Variants in ANGPT2 observed in about 807,000 individuals in gnomAD.
The protein encoded by ANGPT2 is angiopoietin-2.
In ANGPT2, 28 loss-of-function variants were observed where a neutral mutation model predicts 62.9. That is an observed-to-expected ratio of 0.44 (90% CI 0.33 to 0.61). ANGPT2 has a LOEUF of 0.61. Among genes scored for constraint, ANGPT2 ranks in the 20% least tolerant of loss-of-function variants. The pLI, the probability that ANGPT2 is intolerant of heterozygous loss-of-function variation, is 0.03. For missense variants in ANGPT2, 727 were observed against 594.9 expected, an observed-to-expected ratio of 1.22 and a Z score of -2.31; for synonymous variants, 284 against 207.8, an observed-to-expected ratio of 1.37 and a Z score of -3.15.
intron 1 of ANGPT2, among the ~76,000 whole-genome samples, chr8:6,549,331 TAAAAG>T (rs1450704180): frequency 2.0e-5 from 3 of 152,066 alleles, no homozygotes; most frequent in South Asian, 2.1e-4. Flanking sequence ...ACAGAAATAA[TAAAAG>T]AGACCAAAAA....
At chr8:6,561,451 G>C (rs1044728976) in intron 1 of ANGPT2, among the ~76,000 whole-genome samples, 1 of 152,188 alleles carries the variant, frequency 6.6e-6, no homozygotes, top group African/African-American at 2.4e-5. Context: ...AGGTAATGAG[G>C]AGCACCGATT....
chr8:6,531,039 C>T (rs1189041757), intron 2 of ANGPT2, among the ~76,000 whole-genome samples: 1 of 152,112 alleles, frequency 6.6e-6, no homozygotes, highest in African/African-American at 2.4e-5. Flanking sequence ...AGTAGGAAGC[C>T]ACTGACTTCA....
intron 8 of ANGPT2, chr8:6,507,490 T>C (rs937729591): frequency 2.6e-5 from 4 of 152,208 alleles, no homozygotes; most frequent in African/African-American, 9.6e-5. Flanking sequence ...CACTTTTTTC[T>C]TGTCTCAGTC....
intron 1 of ANGPT2, 117 bp from the exon 2 acceptor site, chr8:6,532,604 A>G (rs1819736242): frequency 2.8e-6 from 2 of 725,660 alleles, no homozygotes; most frequent in South Asian, 3.7e-5. Context: ...CTATCAAAAG[A>G]CTTGTACCTT....
At chr8:6,535,674 T>C (rs1356626153) in intron 1 of ANGPT2, among the ~76,000 whole-genome samples, 1 of 152,206 alleles carries the variant, frequency 6.6e-6, no homozygotes, top group Non-Finnish European at 1.5e-5. Flanking sequence ...ACTGACTGCA[T>C]TGCTAATTAA....
intron 1 of ANGPT2, among the ~76,000 whole-genome samples, chr8:6,550,330 G>C (rs1586568571): frequency 6.6e-6 from 1 of 152,212 alleles, no homozygotes; most frequent in African/African-American, 2.4e-5. Context: ...GGTCCTGGGA[G>C]TGAGGCAGTG....
intron 6 of ANGPT2, among the ~76,000 whole-genome samples, chr8:6,514,404 G>C (rs1363012987): frequency 6.6e-6 from 1 of 152,068 alleles, no homozygotes; most frequent in African/African-American, 2.4e-5. Flanking sequence ...TGGCCAACTG[G>C]TCTCAAACTC....
intron 1 of ANGPT2, among the ~76,000 whole-genome samples, chr8:6,541,245 C>A (rs1463688544): frequency 6.6e-6 from 1 of 152,100 alleles, no homozygotes; most frequent in Non-Finnish European, 1.5e-5. Context: ...GCTTTGAGGC[C>A]CCTTTAATGA....
Position 6,502,076 on chromosome 8 carries a change from T to C in ANGPT2, c.*1025A>G, listed in dbSNP as rs1169715655. The C allele has an allele frequency of 2.6e-5, 4 of 152,224 alleles. No individual in the cohort carries two copies. Among genetic ancestry groups the C allele is most frequent in the African/African-American group, 2.4e-5 (1 of 41,556 alleles). The allele number at this position is 152,224 out of a possible 1,614,324, so 9.4% of individuals were successfully genotyped here. A position where few individuals can be genotyped will look rare whatever the true frequency, so the allele number is the denominator to read the frequency against. ...AGGCTTTTCTCAACCAGAAATTAAATTGTAGTCTAGTTCTATAAAAATATA... is the reference window on the plus strand; with the variant it reads ...AGGCTTTTCTCAACCAGAAATTAAACTGTAGTCTAGTTCTATAAAAATATA... On this transcript the variant is annotated 3_prime_UTR_variant, in exon 9 of 9. Transcript: ENST00000629816.
At position 6,536,845 on chromosome 8, in the gene ANGPT2, T is replaced by C. The variant is rs185016780; in HGVS notation, c.289-4358A>G. On this transcript the variant is annotated intron_variant, in intron 1 of 8. Transcript: ENST00000629816. Reference sequence around the variant, plus strand: ...GATGAATTAGTTATTTTCTAGTTTATTGTCCTAGAATGTCTTTCTGTTTAG... The same window carrying C: ...GATGAATTAGTTATTTTCTAGTTTACTGTCCTAGAATGTCTTTCTGTTTAG... Among the ~76,000 whole-genome samples, 620 of 152,246 alleles carry C rather than the reference T, an allele frequency of 4.1e-3. 2 individuals are homozygous for C. The highest frequency in any genetic ancestry group is 7.3e-3 in the Non-Finnish European group (494 of 68,008).
intron 8 of ANGPT2, among the ~76,000 whole-genome samples, chr8:6,505,804 A>G (rs1813546621): frequency 2.2e-5 from 2 of 92,838 alleles, no homozygotes; most frequent in South Asian, 3.1e-4. Flanking sequence ...AAAAACATGC[A>G]TATTCTTTAT....
chr8:6,547,014 G>A (rs1314708817), intron 1 of ANGPT2, among the ~76,000 whole-genome samples: 2 of 152,108 alleles, frequency 1.3e-5, no homozygotes, highest in Admixed American at 6.5e-5. Flanking sequence ...GGTGTACCTC[G>A]GAAGAAGCGT....
At chr8:6,543,305 A>C (rs1010964487) in intron 1 of ANGPT2, among the ~76,000 whole-genome samples, 1 of 152,140 alleles carries the variant, frequency 6.6e-6, no homozygotes, top group Non-Finnish European at 1.5e-5. Flanking sequence ...GCCGTCCGCA[A>C]ATGTGTTTGT....
At chr8:6,542,718 T>C (rs1821840409) in intron 1 of ANGPT2, among the ~76,000 whole-genome samples, 1 of 152,202 alleles carries the variant, frequency 6.6e-6, no homozygotes, top group African/African-American at 2.4e-5. Flanking sequence ...TTGCTGTCTC[T>C]TTCTGTGTTA....
chr8:6,538,585 A>G (rs1255230061), intron 1 of ANGPT2, among the ~76,000 whole-genome samples: 1 of 152,040 alleles, frequency 6.6e-6, no homozygotes, highest in African/African-American at 2.4e-5. Context: ...GCGGCCTCAT[A>G]CCACGGCCGC....
intron 1 of ANGPT2, among the ~76,000 whole-genome samples, chr8:6,544,774 G>C (rs139071651): frequency 1.3e-5 from 2 of 152,142 alleles, no homozygotes; most frequent in Admixed American, 1.3e-4. Context: ...TGCCATAAAA[G>C]AGCCTCCCTT....
At chr8:6,521,522 A>C (rs1817334111) in intron 3 of ANGPT2, 112 bp from the exon 4 acceptor site, 3 of 790,956 alleles carry the variant, frequency 3.8e-6, no homozygotes, top group Non-Finnish European at 5.8e-6. Flanking sequence ...AGTGGTTATA[A>C]AGTAATATGA....
At chr8:6,537,649 C>T (rs1820755109) in intron 1 of ANGPT2, among the ~76,000 whole-genome samples, 1 of 151,804 alleles carries the variant, frequency 6.6e-6, no homozygotes, top group Non-Finnish European at 1.5e-5. Flanking sequence ...TCAAATTTGA[C>T]AGGAAAAATA....
intron 1 of ANGPT2, among the ~76,000 whole-genome samples, chr8:6,539,194 G>C (rs142521533): frequency 6.6e-6 from 1 of 152,224 alleles, no homozygotes; most frequent in Non-Finnish European, 1.5e-5. Context: ...AGCCTGGGGG[G>C]TAGGCACAGT....
Sources: gnomAD v4.1 joint callset for allele counts (sites outside exome capture counted in the v4.1 genomes callset) on GRCh38, gnomAD v4.1.1 for gene constraint, MANE v1.5 for transcripts, NCBI Gene and HGNC (gene_info 2026-07-23, HGNC 2026-07-21) for gene names.